Variants in NAALADL2 observed in about 807,000 individuals in gnomAD.
The protein encoded by NAALADL2 is N-acetylated alpha-linked acidic dipeptidase like 2.
NAALADL2 carries 76 observed loss-of-function variants against 87.2 expected under a neutral mutation model. That is an observed-to-expected ratio of 0.87 (90% CI 0.72 to 1.05). The LOEUF (loss-of-function observed/expected upper bound fraction) is 1.05, where lower values mean the gene tolerates loss of function less well. NAALADL2 is among the 50% of genes least tolerant of loss of function. The pLI is 0.00. For missense variants in NAALADL2, 1,089 were observed against 945.8 expected (o/e 1.15, Z -1.99); for synonymous variants, 354 against 331.0 (o/e 1.07, Z -0.75).
intron 2 of NAALADL2, among the ~76,000 whole-genome samples, chr3:175,110,145 C>T (rs1016402444): frequency 2.6e-5 from 4 of 151,662 alleles, no homozygotes; most frequent in African/African-American, 4.8e-5. Context: ...TCTTATGGTA[C>T]GAATAATAAG....
At chr3:174,711,326 A>G (rs530994666) in intron 2 of NAALADL2, among the ~76,000 whole-genome samples, 1 of 152,310 alleles carries the variant, frequency 6.6e-6, no homozygotes, top group East Asian at 1.9e-4. Flanking sequence ...CAAATTTTAT[A>G]CAAAATTTTC....
At chr3:175,740,928 G>A (rs1745157204) in intron 12 of NAALADL2, among the ~76,000 whole-genome samples, 1 of 152,144 alleles carries the variant, frequency 6.6e-6, no homozygotes, top group Non-Finnish European at 1.5e-5. Context: ...TGTAACAGTG[G>A]TATAGGTGAT....
chr3:174,612,147 A>G (rs1331541490), intron 2 of NAALADL2, among the ~76,000 whole-genome samples: 2 of 152,104 alleles, frequency 1.3e-5, no homozygotes, highest in Non-Finnish European at 2.9e-5. Context: ...TTTCCACTGG[A>G]AAGTCTGCTG....
intron 1 of NAALADL2, among the ~76,000 whole-genome samples, chr3:174,909,632 A>G (rs536422270): frequency 1.3e-5 from 2 of 152,116 alleles, no homozygotes; most frequent in African/African-American, 4.8e-5. Flanking sequence ...CTGTGGGGTT[A>G]CCTACTTGGT....
chr3:174,676,755 G>A (rs1385245826), intron 2 of NAALADL2, among the ~76,000 whole-genome samples: 1 of 151,740 alleles, frequency 6.6e-6, no homozygotes, highest in African/African-American at 2.4e-5. Flanking sequence ...TCTTTATTAA[G>A]TAACATTTAC....
intron 13 of NAALADL2, among the ~76,000 whole-genome samples, chr3:175,779,415 C>G (rs545346524): frequency 6.6e-6 from 1 of 151,490 alleles, no homozygotes; most frequent in Non-Finnish European, 1.5e-5. Flanking sequence ...ATTTTTCCCT[C>G]TCTGTTATTG....
At chr3:175,402,662 C>T (rs1258748443) in intron 5 of NAALADL2, among the ~76,000 whole-genome samples, 3 of 152,130 alleles carry the variant, frequency 2.0e-5, no homozygotes, top group Non-Finnish European at 4.4e-5. Context: ...GCCTTTCCAA[C>T]GTGCCATTCC....
chr3:174,572,716 A>G (rs1254329887), intron 2 of NAALADL2, among the ~76,000 whole-genome samples: 1 of 152,206 alleles, frequency 6.6e-6, no homozygotes, highest in Non-Finnish European at 1.5e-5. Context: ...CACAACAACC[A>G]ATTAGAAAAT....
At chr3:174,637,185 G>A (rs1471677371) in intron 2 of NAALADL2, among the ~76,000 whole-genome samples, 1 of 152,068 alleles carries the variant, frequency 6.6e-6, no homozygotes, top group African/African-American at 2.4e-5. Context: ...TTGTAGGTGG[G>A]AGTGGTGATA....
intron 9 of NAALADL2, among the ~76,000 whole-genome samples, chr3:175,551,927 A>C (rs1429486585): frequency 6.6e-6 from 1 of 151,576 alleles, no homozygotes; most frequent in Non-Finnish European, 1.5e-5. Flanking sequence ...TGTCTCAAAA[A>C]AAAAAAAAAA....
intron 5 of NAALADL2, among the ~76,000 whole-genome samples, chr3:175,424,133 ATTTG>A: frequency 6.6e-6 from 1 of 152,102 alleles, no homozygotes; most frequent in East Asian, 1.9e-4. Context: ...TTTCTTGTAA[ATTTG>A]TTTGAGTTCA....
intron 10 of NAALADL2, among the ~76,000 whole-genome samples, chr3:175,602,416 A>G (rs952835696): frequency 1.3e-4 from 20 of 152,012 alleles, no homozygotes; most frequent in Non-Finnish European, 2.8e-4. Flanking sequence ...TGTAACATGT[A>G]TGTAAACATA....
At chr3:174,795,588 A>G (rs965868760) in intron 3 of NAALADL2, among the ~76,000 whole-genome samples, 4 of 152,142 alleles carry the variant, frequency 2.6e-5, no homozygotes, top group Non-Finnish European at 5.9e-5. Context: ...TAGTAATTCT[A>G]TGTTTAATAT....
chr3:175,500,476 C>T (rs998182751), intron 9 of NAALADL2, among the ~76,000 whole-genome samples: 3 of 151,564 alleles, frequency 2.0e-5, no homozygotes, highest in African/African-American at 7.3e-5. Context: ...CAAGGAGGAT[C>T]AGAAGGTGAT....
rs144667899 is a variant in NAALADL2 at position 175,011,364 on chromosome 3, A to G, written c.44-85426A>G. ...AAGTTTTGAAGCTTGAAGTTGTAAT[A>G]TAATGTGTAATCATTGACCCAGCTT... On this transcript the variant is annotated intron_variant, in intron 1 of 13. Coordinates refer to ENST00000454872, the MANE Select transcript of NAALADL2 (RefSeq NM_207015.3). Among the ~76,000 whole-genome samples, 289 of 152,158 alleles carry G rather than the reference A, an allele frequency of 1.9e-3. 1 individual carries two copies. Among genetic ancestry groups the G allele is most frequent in the African/African-American group, 6.7e-3 (278 of 41,480 alleles).
intron 10 of NAALADL2, among the ~76,000 whole-genome samples, chr3:175,588,538 T>C (rs965962394): frequency 4.8e-4 from 62 of 127,904 alleles, no homozygotes; most frequent in Middle Eastern, 3.7e-3. Flanking sequence ...TCTTTTCTTT[T>C]TTTTTTTTTT....
At chr3:174,665,607 T>G (rs1434679653) in intron 2 of NAALADL2, among the ~76,000 whole-genome samples, 2 of 152,180 alleles carry the variant, frequency 1.3e-5, no homozygotes, top group Non-Finnish European at 2.9e-5. Flanking sequence ...GAGTCCAGGT[T>G]TGCACTGCAA....
intron 3 of NAALADL2, among the ~76,000 whole-genome samples, chr3:174,813,479 G>A (rs1304542280): frequency 6.6e-6 from 1 of 152,132 alleles, no homozygotes; most frequent in Non-Finnish European, 1.5e-5. Flanking sequence ...ATAAAAGGCT[G>A]TAGAGGTTTG....
intron 9 of NAALADL2, among the ~76,000 whole-genome samples, chr3:175,527,242 G>C (rs1320236556): frequency 1.3e-5 from 2 of 152,158 alleles, no homozygotes. Flanking sequence ...ACATTAGCCA[G>C]TTTTCAGTGT....
Sources: gnomAD v4.1 joint callset for allele counts (sites outside exome capture counted in the v4.1 genomes callset) on GRCh38, gnomAD v4.1.1 for gene constraint, MANE v1.5 for transcripts, NCBI Gene and HGNC (gene_info 2026-07-23, HGNC 2026-07-21) for gene names.